NPC1: variants seen among roughly 807,000 people sequenced by gnomAD.
The protein encoded by NPC1 is NPC intracellular cholesterol transporter 1.
NPC1 carries 85 observed loss-of-function variants against 140.4 expected under a neutral mutation model. The ratio of observed to expected loss-of-function variants is 0.61; its 90% CI spans 0.51 to 0.72. The LOEUF is 0.72. Ranked by LOEUF, NPC1 falls within the 30% of genes least tolerant of loss-of-function variation. The pLI is 0.00. For missense variants in NPC1, 1,504 were observed against 1,623.8 expected (o/e 0.93, Z 1.27); for synonymous variants, 656 against 624.8 (o/e 1.05, Z -0.74).
rs61731964 is a variant in NPC1 at position 23,556,498 on chromosome 18, C to T, written c.1071G>A (p.Ser357=). 733 of 1,614,120 alleles carry T rather than the reference C, an allele frequency of 4.5e-4. 3 individuals are homozygous for T. The African/African-American group carries it at 8.5e-3, about 19-fold the overall frequency. ...VRNPGCVIFF[S]LVFITACSSG... ...ACGAACACGCAGTAATGAAGACCAG[C>T]GAGAAGAAAATGACACAGCCAGGGT... Residue 357 remains serine, a synonymous_variant, in exon 8 of 25, where the codon TCG becomes TCA. Coordinates refer to ENST00000269228, the MANE Select transcript of NPC1 (RefSeq NM_000271.5).
chr18:23,526,587 T>C (rs778768960), downstream of NPC1: 11 of 1,591,530 alleles, frequency 6.9e-6, no homozygotes, highest in Middle Eastern at 1.7e-4. Flanking sequence ...TTTTGGGCTT[T>C]TGTTACGGTT....
chr18:23,560,205 C>T (rs1230590104), intron 6 of NPC1, 26 bp downstream of exon 6: 2 of 1,613,550 alleles, frequency 1.2e-6, no homozygotes, highest in Admixed American at 3.3e-5. Flanking sequence ...CTCTTTTTGC[C>T]CTGGATGACA....
chr18:23,530,203 G>C, downstream of NPC1: 1 of 1,614,030 alleles, frequency 6.2e-7, no homozygotes, highest in Non-Finnish European at 8.5e-7. Flanking sequence ...CTTTCCAACT[G>C]AAGTGGGTCT....
intron 10 of NPC1, among the ~76,000 whole-genome samples, chr18:23,549,427 C>A (rs931038758): frequency 1.3e-5 from 2 of 152,082 alleles, no homozygotes; most frequent in East Asian, 3.9e-4. Context: ...CACCTTAGGT[C>A]AGGAGTTCAA....
downstream of NPC1, among the ~76,000 whole-genome samples, chr18:23,527,223 C>CAA (rs386387173): frequency 0.17 from 7,391 of 43,622 alleles, 864 homozygotes; most frequent in Middle Eastern, 0.31. Flanking sequence ...CCTGTCTCTA[C>CAA]AAAAAAAAAA....
At chr18:23,528,541 ACTC>A (rs1342742581), downstream of NPC1, 1 of 152,890 alleles carries the variant, frequency 6.5e-6, no homozygotes, top group Admixed American at 6.5e-5. Context: ...CCAGAACTCC[ACTC>A]CCCTTTAGCT....
intron 5 of NPC1, among the ~76,000 whole-genome samples, 164 bp downstream of exon 5, chr18:23,561,196 G>GA (rs1432375620): frequency 1.3e-5 from 2 of 152,148 alleles, no homozygotes; most frequent in Admixed American, 6.6e-5. Context: ...TTCTTTCATA[G>GA]AGATGGGGCC....
chr18:23,555,098 AC>A, intron 8 of NPC1, 114 bp from the exon 9 acceptor site: 1 of 753,280 alleles, frequency 1.3e-6, no homozygotes, highest in Non-Finnish European at 2.3e-6. Flanking sequence ...TGGGGAAAAT[AC>A]TTCCTAAGAT....
chr18:23,565,121 GGTT>G (rs2059104518), intron 4 of NPC1, among the ~76,000 whole-genome samples: 1 of 151,950 alleles, frequency 6.6e-6, no homozygotes, highest in African/African-American at 2.4e-5. Flanking sequence ...CTTTTTTCAG[GGTT>G]GTTTTACTAT....
At chr18:23,572,667 C>CA (rs2059220375) in intron 2 of NPC1, among the ~76,000 whole-genome samples, 1 of 59,814 alleles carries the variant, frequency 1.7e-5, no homozygotes, top group Admixed American at 1.8e-4. Flanking sequence ...AGCCCCATCT[C>CA]CCCAAATTTT....
At chr18:23,557,277 C>G (rs1241705967) in intron 6 of NPC1, 87 bp from the exon 7 acceptor site, 2 of 983,294 alleles carry the variant, frequency 2.0e-6, no homozygotes, top group African/African-American at 3.2e-5. Context: ...CCATGAAATG[C>G]TTTCTTCCTC....
intron 1 of NPC1, 107 bp downstream of exon 1, chr18:23,586,179 CA>C: frequency 8.0e-7 from 1 of 1,242,388 alleles, no homozygotes; most frequent in Non-Finnish European, 1.1e-6. Flanking sequence ...ATCGCCAGAC[CA>C]ACTTCCCCAG....
intron 1 of NPC1, among the ~76,000 whole-genome samples, chr18:23,523,781 T>C (rs2058213917): frequency 6.6e-6 from 1 of 152,186 alleles, no homozygotes; most frequent in African/African-American, 2.4e-5. Flanking sequence ...TCTCCGTGGA[T>C]GATCTGGGTA....
intron 10 of NPC1, chr18:23,551,411 C>A: frequency 1.7e-6 from 1 of 583,926 alleles, no homozygotes; most frequent in South Asian, 1.9e-5. Flanking sequence ...TTCTCAAAGG[C>A]ATGTGTGACC....
chr18:23,513,762 G>A (rs182105117), intron 3 of NPC1, among the ~76,000 whole-genome samples: 8 of 152,120 alleles, frequency 5.3e-5, no homozygotes, highest in East Asian at 1.9e-4. Context: ...TTTGATTTGC[G>A]CTCTTTGTTG....
chr18:23,509,103 T>C (rs796129819), intron 3 of NPC1: 32 of 437,458 alleles, frequency 7.3e-5, no homozygotes, highest in African/African-American at 6.6e-4. Flanking sequence ...CATTAAAGAA[T>C]GACAAACTGC....
downstream of NPC1, among the ~76,000 whole-genome samples, chr18:23,527,589 CTTTT>C (rs71163615): frequency 1.8e-5 from 2 of 108,360 alleles, no homozygotes; most frequent in African/African-American, 7.2e-5. Context: ...CCTGCTATAG[CTTTT>C]TTTTTTTTTT....
chr18:23,530,285 G>A (rs959241338), downstream of NPC1: 6 of 1,614,080 alleles, frequency 3.7e-6, no homozygotes, highest in South Asian at 1.1e-5. Context: ...AGCTATCTCT[G>A]GACATGCTGA....
intron 18 of NPC1, 149 bp from the exon 19 acceptor site, chr18:23,539,619 C>T: frequency 1.3e-6 from 1 of 794,278 alleles, no homozygotes; most frequent in Non-Finnish European, 2.1e-6. Flanking sequence ...TGAAAAAAGC[C>T]TTCAAAGTAT....
Sources: allele counts gnomAD v4.1 joint callset (sites outside exome capture counted in the v4.1 genomes callset), GRCh38; gene constraint gnomAD v4.1.1; transcripts MANE v1.5; gene names NCBI Gene and HGNC (gene_info 2026-07-23, HGNC 2026-07-21).